The following SUPT3H variants were observed in gnomAD, a reference collection of about 807,000 sequenced individuals.
SUPT3H encodes transcription initiation protein SPT3 homolog.
In SUPT3H, 44 loss-of-function variants were observed where a neutral mutation model predicts 44.3. That is an observed-to-expected ratio of 0.99 (90% CI 0.78 to 1.28). SUPT3H has a LOEUF of 1.28. SUPT3H is among the 50% of genes most tolerant of loss of function. The pLI, the probability that SUPT3H is intolerant of heterozygous loss-of-function variation, is 0.00. For synonymous variants in SUPT3H, 124 were observed against 125.6 expected (o/e 0.99, Z 0.09); for missense variants, 380 against 387.1 (o/e 0.98, Z 0.15).
At chr6:44,905,622 G>A (rs982563056) in intron 10 of SUPT3H, among the ~76,000 whole-genome samples, 8 of 152,008 alleles carry the variant, frequency 5.3e-5, no homozygotes, top group Non-Finnish European at 1.2e-4. Flanking sequence ...CGATTCCTCA[G>A]GGATCTTGAA....
At chr6:44,878,646 T>C (rs1777691150) in intron 10 of SUPT3H, among the ~76,000 whole-genome samples, 1 of 152,070 alleles carries the variant, frequency 6.6e-6, no homozygotes, top group African/African-American at 2.4e-5. Flanking sequence ...GATGGCTGAA[T>C]AGGAACCACT....
chr6:45,019,086 C>G (rs990564473), intron 4 of SUPT3H, among the ~76,000 whole-genome samples: 4 of 151,924 alleles, frequency 2.6e-5, no homozygotes, highest in African/African-American at 2.4e-5. Flanking sequence ...GAGAGTGTAT[C>G]TGTCAAGGAA....
chr6:44,814,825 C>A (rs9357459), intron 11 of SUPT3H, among the ~76,000 whole-genome samples: 1 of 151,748 alleles, frequency 6.6e-6, no homozygotes, highest in Non-Finnish European at 1.5e-5. Flanking sequence ...TACAAGTGTG[C>A]GTCACCACGC....
intron 2 of SUPT3H, among the ~76,000 whole-genome samples, chr6:45,131,242 C>T (rs1016187390): frequency 4.6e-5 from 7 of 152,066 alleles, no homozygotes; most frequent in African/African-American, 7.2e-5. Context: ...CTTCCAGATA[C>T]GGCAAAATAA....
chr6:45,210,198 T>C (rs894112444), intron 2 of SUPT3H, among the ~76,000 whole-genome samples: 5 of 152,112 alleles, frequency 3.3e-5, no homozygotes. Context: ...GTTAGGCAAA[T>C]CTGCCATCCA....
At chr6:45,020,415 G>A in intron 4 of SUPT3H, 131 bp downstream of exon 4, 1 of 626,732 alleles carries the variant, frequency 1.6e-6, no homozygotes, top group Non-Finnish European at 2.6e-6. Flanking sequence ...TCCAAACCAT[G>A]AAGACTAAAA....
chr6:45,179,812 G>C (rs1402171253), intron 2 of SUPT3H, among the ~76,000 whole-genome samples: 1 of 152,196 alleles, frequency 6.6e-6, no homozygotes, highest in Non-Finnish European at 1.5e-5. Context: ...ACTGGCACAA[G>C]ACAGGGATGC....
chr6:45,360,695 C>T (rs1794101773), intron 2 of SUPT3H, among the ~76,000 whole-genome samples: 2 of 152,204 alleles, frequency 1.3e-5, no homozygotes, highest in African/African-American at 4.8e-5. Context: ...ATCCCAAACA[C>T]TCTCAGGAGA....
intron 3 of SUPT3H, among the ~76,000 whole-genome samples, chr6:45,029,923 C>T (rs1024069440): frequency 6.6e-6 from 1 of 152,134 alleles, no homozygotes; most frequent in Non-Finnish European, 1.5e-5. Context: ...TGCCATCATG[C>T]CTAGCTAATT....
intron 2 of SUPT3H, among the ~76,000 whole-genome samples, chr6:45,285,662 T>C (rs1779100217): frequency 6.6e-6 from 1 of 152,082 alleles, no homozygotes; most frequent in Non-Finnish European, 1.5e-5. Context: ...AAAATGGCCA[T>C]ACTGCCCAAG....
downstream of SUPT3H, among the ~76,000 whole-genome samples, chr6:44,825,450 G>C (rs541990086): frequency 1.3e-5 from 2 of 152,300 alleles, no homozygotes; most frequent in East Asian, 1.9e-4. Flanking sequence ...TCCACGTTGT[G>C]TAACAGTGGT....
intron 2 of SUPT3H, among the ~76,000 whole-genome samples, chr6:45,300,402 C>T (rs1781965131): frequency 6.6e-6 from 1 of 152,088 alleles, no homozygotes; most frequent in South Asian, 2.1e-4. Context: ...GAATGACCCT[C>T]AAAATAAAAT....
At chr6:44,923,477 T>C (rs1018808192) in intron 10 of SUPT3H, among the ~76,000 whole-genome samples, 2 of 152,128 alleles carry the variant, frequency 1.3e-5, no homozygotes, top group African/African-American at 4.8e-5. Context: ...AAGTTACGTC[T>C]TGGAATTTAG....
At chr6:45,042,722 T>C (rs1246278319) in intron 3 of SUPT3H, among the ~76,000 whole-genome samples, 5 of 152,094 alleles carry the variant, frequency 3.3e-5, no homozygotes, top group Non-Finnish European at 5.9e-5. Context: ...AGAAATACCA[T>C]TTGACCCAGC....
chr6:45,230,680 A>T (rs1325807751), intron 2 of SUPT3H, among the ~76,000 whole-genome samples: 5 of 110,972 alleles, frequency 4.5e-5, no homozygotes, highest in South Asian at 3.1e-4. Flanking sequence ...ATATATATAT[A>T]TATATATTTT....
chr6:44,879,280 T>C (rs1777803366), intron 10 of SUPT3H, among the ~76,000 whole-genome samples: 1 of 152,114 alleles, frequency 6.6e-6, no homozygotes, highest in African/African-American at 2.4e-5. Context: ...GTAGGCAATG[T>C]TCCCCTCACA....
chr6:45,018,881 T>G (rs1784703628), intron 4 of SUPT3H, among the ~76,000 whole-genome samples: 1 of 152,026 alleles, frequency 6.6e-6, no homozygotes, highest in Non-Finnish European at 1.5e-5. Flanking sequence ...TAGGGAGGAT[T>G]CCCTCTTTTT....
chr6:45,038,100 TGAC>T (rs1787960484), intron 3 of SUPT3H, among the ~76,000 whole-genome samples: 1 of 152,140 alleles, frequency 6.6e-6, no homozygotes, highest in African/African-American at 2.4e-5. Context: ...GTTAGAGTCT[TGAC>T]GACATCCATG....
intron 10 of SUPT3H, among the ~76,000 whole-genome samples, chr6:44,891,939 A>T (rs1763378899): frequency 6.6e-6 from 1 of 152,042 alleles, no homozygotes; most frequent in African/African-American, 2.4e-5. Flanking sequence ...TATGTTCCTA[A>T]GTGTCCTAAT....
Sources: allele counts gnomAD v4.1 joint callset (sites outside exome capture counted in the v4.1 genomes callset), GRCh38; gene constraint gnomAD v4.1.1; transcripts MANE v1.5; gene names NCBI Gene and HGNC (gene_info 2026-07-23, HGNC 2026-07-21).